Variants in SPTBN5 observed in about 807,000 individuals in gnomAD.
SPTBN5 encodes the protein spectrin beta chain, non-erythrocytic 5.
In SPTBN5, 513 loss-of-function variants were observed where a neutral mutation model predicts 477.6. The observed-to-expected ratio is 1.07, with a 90% CI of 1.00 to 1.16. The LOEUF (loss-of-function observed/expected upper bound fraction) is 1.16, where lower values mean the gene tolerates loss of function less well. SPTBN5 is among the 50% of genes most tolerant of loss of function. The pLI, the probability that SPTBN5 is intolerant of heterozygous loss-of-function variation, is 0.00. For missense variants in SPTBN5, 5,062 were observed against 4,731.8 expected (o/e 1.07, Z -2.05); for synonymous variants, 2,169 against 2,011.7 (o/e 1.08, Z -2.09).
rs371369677 is a variant in SPTBN5, at chr15:41,882,637, G to C, written c.1994C>G (p.Ala665Gly). Residue 665 changes from alanine (A) to glycine (G), a missense_variant, in exon 10 of 68, where the codon GCG (alanine) becomes GGG (glycine). Transcript: ENST00000320955. ...CTGGCTGAGATCCCGGCCCAGGGCC[G>C]CATTCCCCACCCGCTGTCCGCACTC... is the stretch of plus-strand genomic sequence containing the variant. ...LKECGQRVGN[A>G]ALGRDLSQIA... 212 of 1,606,994 alleles carry C rather than the reference G, an allele frequency of 1.3e-4. 1 individual carries two copies. Among genetic ancestry groups the C allele is most frequent in the Middle Eastern group, 1.7e-4 (1 of 6,050 alleles).
intron 55 of SPTBN5, 34 bp downstream of exon 55, chr15:41,855,190 C>T (rs375549450): frequency 2.5e-6 from 4 of 1,584,018 alleles, no homozygotes; most frequent in Non-Finnish European, 3.4e-6. Flanking sequence ...AGCCTCTGCC[C>T]ACTCCCCGTG....
In SPTBN5 at chr15:41,852,218, C is replaced by A. The variant is rs759662344; in HGVS notation, c.10548G>T (p.Gly3516=). ...SFQWRPSGHQ[G]LGAQLAETRD... ...TCGTCTCAGCCAGCTGTGCTCCTAG[C>A]CCCTGGTGTCCAGAGGGCCTCCACT... The change falls in exon 62 of 68, where the codon GGG becomes GGT. Residue 3516 remains glycine, a synonymous_variant. Coordinates refer to ENST00000320955, the MANE Select transcript of SPTBN5 (RefSeq NM_016642.4). 3 of 1,608,316 alleles carry A rather than the reference C, an allele frequency of 1.9e-6. No individual in the cohort carries two copies. Among genetic ancestry groups the A allele is most frequent in the Non-Finnish European group, 2.5e-6 (3 of 1,176,496 alleles).
At chr15:41,870,787 C>T (rs1056617623) in intron 29 of SPTBN5, among the ~76,000 whole-genome samples, 8 of 152,224 alleles carry the variant, frequency 5.3e-5, no homozygotes, top group Non-Finnish European at 7.3e-5. Context: ...CTGTAATGCT[C>T]GGCACTGCAT....
At chr15:41,855,158 C>T in intron 55 of SPTBN5, 66 bp downstream of exon 55, 13 of 1,534,508 alleles carry the variant, frequency 8.5e-6, no homozygotes, top group Non-Finnish European at 1.1e-5. Flanking sequence ...GCAACCCTTT[C>T]ATCCCAGGGC....
At position 41,873,554 on chromosome 15, in the gene SPTBN5, C is replaced by T; in HGVS notation, c.4945G>A (p.Val1649Met). The change falls in exon 26 of 68, where the codon GTG becomes ATG. Residue 1649 changes from valine (V) to methionine (M), a missense_variant. Coordinates refer to ENST00000320955, the MANE Select transcript of SPTBN5 (RefSeq NM_016642.4). ...EGWVEEKRPL[V>M]SSRDYGRDEA... is the part of the protein sequence containing the mutation. The stretch of plus-strand genomic sequence containing the variant: ...TCTCTGCCATAGTCCCGACTGCTCA[C>T]CAGCGGCCGCTTCTCCTCCACCCAG... 2 of 1,552,224 alleles carry T rather than the reference C, an allele frequency of 1.3e-6. No individual in the cohort carries two copies. The highest frequency in any genetic ancestry group is 1.7e-6 in the Non-Finnish European group (2 of 1,147,306).
chr15:41,882,973 G>A (rs1307887349), intron 9 of SPTBN5, 23 bp downstream of exon 9: 1 of 1,522,768 alleles, frequency 6.6e-7, no homozygotes, highest in East Asian at 2.5e-5. Flanking sequence ...GGGAAAGGTG[G>A]AAGAGTTGGG....
rs2065751400 is a variant in SPTBN5 at position 41,851,268 on chromosome 15, T to A, written c.10743+15A>T. 1 of 1,551,300 alleles carries A rather than the reference T, an allele frequency of 6.4e-7. No homozygotes were observed. The highest frequency in any genetic ancestry group is 1.4e-5 in the African/African-American group (1 of 73,042). On this transcript the variant is annotated intron_variant, in intron 64 of 67. Coordinates refer to ENST00000320955, the MANE Select transcript of SPTBN5 (RefSeq NM_016642.4). ...AGCACCCTGATGTCTGCATCTCCCC[T>A]ACCCCGCCTGGTACCTCCGCTGCCA...
At chr15:41,879,199 C>T in intron 16 of SPTBN5, 61 bp downstream of exon 16, 1 of 1,555,276 alleles carries the variant, frequency 6.4e-7, no homozygotes, top group Non-Finnish European at 8.7e-7. Context: ...ATTCCACTGC[C>T]CTGCCCACGC....
chr15:41,888,080 C>G lies in SPTBN5; in HGVS notation c.507G>C (p.Glu169Asp). 1 of 1,568,522 alleles carries G rather than the reference C, an allele frequency of 6.4e-7. No homozygotes were observed. Among genetic ancestry groups the G allele is most frequent in the Middle Eastern group, 1.7e-4 (1 of 5,914 alleles). ...QISHISLDKE[E>D]FGASAALLST... is the part of the protein sequence containing the mutation. ...ACAGCAGGGCTGCGCTGGCCCCAAA[C>G]TCCTCCTGGCGGGACAGGGCAGCAG... The change falls in exon 5 of 68, where the codon GAG becomes GAC. Residue 169 changes from glutamate (E) to aspartate (D), a missense_variant. Coordinates refer to ENST00000320955, the MANE Select transcript of SPTBN5 (RefSeq NM_016642.4).
intron 67 of SPTBN5, 41 bp from the exon 68 acceptor site, chr15:41,848,669 C>G (rs1329218432): frequency 6.2e-7 from 1 of 1,612,730 alleles, no homozygotes; most frequent in East Asian, 2.2e-5. Context: ...GTATGGCCAC[C>G]CCAGAATCTT....
In SPTBN5 at chr15:41,876,177, C is replaced by T; in HGVS notation, c.4059G>A (p.Lys1353=). The part of the protein sequence containing the change: ...GARRNILQTL[K]RHEAAESELL... ...GCTCGCTCTCAGCTGCTTCGTGCCG[C>T]TTGAGTGTCTGCAGGATGTTTCTGC... The change falls in exon 21 of 68, where the codon AAG becomes AAA. Residue 1353 remains lysine, a synonymous_variant. Transcript: ENST00000320955. 1 of 1,606,120 alleles carries T rather than the reference C, an allele frequency of 6.2e-7. No homozygotes were observed. The highest frequency in any genetic ancestry group is 8.5e-7 in the Non-Finnish European group (1 of 1,179,722).
rs1329387721 is a variant in SPTBN5, at chr15:41,856,921, G to A, written c.8740C>T (p.Pro2914Ser). ...EEMAWVQEKL[P>S]LAAAQDYGQS... Reference sequence around the variant, plus strand: ...CCATAGTCCTGGGCAGCGGCCAGAGGCAGCTTCTCCTGCACCCAGGCCATT... The same window carrying A: ...CCATAGTCCTGGGCAGCGGCCAGAGACAGCTTCTCCTGCACCCAGGCCATT... The change falls in exon 52 of 68, where the codon CCT (proline) becomes TCT (serine). Residue 2914 changes from proline (P) to serine (S), a missense_variant. By Grantham distance (74) the Pro-to-Ser change is moderately conservative. Transcript: ENST00000320955. 6 of 1,560,258 alleles carry A rather than the reference G, an allele frequency of 3.8e-6. No individual in the cohort carries two copies. The highest frequency in any genetic ancestry group is 5.2e-6 in the Non-Finnish European group (6 of 1,152,728).
At position 41,853,598 on chromosome 15, in the gene SPTBN5, G is replaced by T. The variant is rs1171699536; in HGVS notation, c.9964C>A (p.Arg3322Ser). ...GACACCTACAGCAGTTCCTGGCAGC[G>T]CCCGAGGAAGGCATGGCCCTGTGCA... ...QAAQGHAFLG[R>S]CQELLAWAQE... The change falls in exon 58 of 68, where the codon CGC becomes AGC. Residue 3322 changes from arginine (R) to serine (S), a missense_variant. Coordinates refer to ENST00000320955, the MANE Select transcript of SPTBN5 (RefSeq NM_016642.4). 10 of 1,576,384 alleles carry T rather than the reference G, an allele frequency of 6.3e-6. No individual in the cohort carries two copies. Among genetic ancestry groups the T allele is most frequent in the Non-Finnish European group, 8.6e-6 (10 of 1,158,664 alleles).
intron 22 of SPTBN5, 24 bp from the exon 23 acceptor site, chr15:41,875,080 A>G (rs1438673635): frequency 6.3e-7 from 1 of 1,591,058 alleles, no homozygotes; most frequent in South Asian, 1.1e-5. Context: ...ATGGAGCTGC[A>G]TTAGGTTCTC....
At chr15:41,862,385 C>G in intron 43 of SPTBN5, 93 bp from the exon 44 acceptor site, 1 of 1,522,522 alleles carries the variant, frequency 6.6e-7, no homozygotes, top group Non-Finnish European at 8.8e-7. Context: ...CCCTCAACCA[C>G]AGGAGGGCCC....
At chr15:41,875,360 C>A in intron 22 of SPTBN5, 98 bp downstream of exon 22, 1 of 1,405,888 alleles carries the variant, frequency 7.1e-7, no homozygotes, top group Non-Finnish European at 9.5e-7. Flanking sequence ...GCTGCAGAGC[C>A]AGGGTCAGCA....
intron 63 of SPTBN5, 29 bp downstream of exon 63, chr15:41,851,750 G>A (rs377554797): frequency 2.5e-6 from 4 of 1,572,300 alleles, no homozygotes; most frequent in Non-Finnish European, 3.5e-6. Flanking sequence ...GTGGGGAGCT[G>A]CCTGGAGAAG....
Position 41,868,218 on chromosome 15 carries a change from C to G in SPTBN5, c.6058G>C (p.Val2020Leu), listed in dbSNP as rs746224753. 6.3e-7 allele frequency: 1 copy of G among 1,580,942 alleles called. No homozygotes were observed. The highest frequency in any genetic ancestry group is 8.6e-7 in the Non-Finnish European group (1 of 1,163,580). Residue 2020 changes from valine to leucine, a missense_variant and splice_region_variant, in exon 34 of 68, where the codon GTC (valine) becomes CTC (leucine). Transcript: ENST00000320955. ...TGCAGGGCTCGAAGCTCTTCCTGGA[C>G]CTGGGGATGGACACATGAGGAGCCT... is the stretch of plus-strand genomic sequence containing the variant. ...LLAAGTPTKE[V>L]QEELRALQDQ...
Position 41,878,341 on chromosome 15 carries a change from C to T in SPTBN5, c.3470+1G>A. 6.2e-7 allele frequency: 1 copy of T among 1,613,378 alleles called. No individual in the cohort carries two copies. Among genetic ancestry groups the T allele is most frequent in the South Asian group, 1.1e-5 (1 of 91,058 alleles). ...CACCCCTTCTGCCCTCCTGTCCTGA[C>T]CTCTCCTGCCACAGGTGGATCTCCT... On this transcript the variant is annotated splice_donor_variant, in intron 17 of 67. Coordinates refer to ENST00000320955, the MANE Select transcript of SPTBN5 (RefSeq NM_016642.4). LOFTEE classifies it high-confidence loss of function.
Sources: allele counts gnomAD v4.1 joint callset (sites outside exome capture counted in the v4.1 genomes callset), GRCh38; gene constraint gnomAD v4.1.1; transcripts MANE v1.5; gene names NCBI Gene and HGNC (gene_info 2026-07-23, HGNC 2026-07-21).